SLC5A1: variants seen among roughly 807,000 people sequenced by gnomAD.
SLC5A1 encodes the protein sodium/glucose cotransporter 1.
A neutral mutation model predicts 73.5 loss-of-function variants in SLC5A1; 42 were observed. The ratio of observed to expected loss-of-function variants is 0.57; its 90% confidence interval spans 0.45 to 0.74. The LOEUF (loss-of-function observed/expected upper bound fraction) is 0.74, where lower values mean the gene tolerates loss of function less well. SLC5A1 is among the 30% of genes least tolerant of loss of function. The pLI is 0.00. For synonymous variants in SLC5A1, 300 were observed against 317.4 expected, an observed-to-expected ratio of 0.95 and a Z score of 0.58; for missense variants, 634 against 855.4, an observed-to-expected ratio of 0.74 and a Z score of 3.23.
Position 32,084,910 on chromosome 22 carries a change from A to G in SLC5A1, c.896A>G (p.Gln299Arg). Residue 299 changes from glutamine to arginine, a missense_variant, in exon 9 of 15, where the codon CAG (glutamine) becomes CGG (arginine). Around this residue, in one of 3 missense-constraint regions of SLC5A1, gnomAD observed 422 missense variants for 626.1 expected, o/e 0.67. Transcript: ENST00000266088. ...GGCTTTTTCTGGCAGGTCATTGTGC[A>G]GCGCTGCCTCTCAGCCAAGAATATG... The part of the protein sequence containing the change: ...WYWCTDQVIV[Q>R]RCLSAKNMSH... The G allele has an allele frequency of 6.2e-7, 1 of 1,614,192 alleles. No homozygotes were observed. Among genetic ancestry groups the G allele is most frequent in the Non-Finnish European group, 8.5e-7 (1 of 1,180,038 alleles).
chr22:32,106,393 C>T (rs1023586161), intron 14 of SLC5A1, among the ~76,000 whole-genome samples: 3 of 152,166 alleles, frequency 2.0e-5, no homozygotes, highest in Admixed American at 1.3e-4. Flanking sequence ...AATCTTTAGA[C>T]CATTTTTGAT....
intron 11 of SLC5A1, among the ~76,000 whole-genome samples, chr22:32,095,536 G>T (rs2094024865): frequency 6.6e-6 from 1 of 152,164 alleles, no homozygotes; most frequent in South Asian, 2.1e-4. Context: ...GTGTTAGGTG[G>T]ATATATATTT....
At chr22:32,075,244 G>A (rs1229842097) in intron 5 of SLC5A1, among the ~76,000 whole-genome samples, 1 of 151,852 alleles carries the variant, frequency 6.6e-6, no homozygotes, top group Non-Finnish European at 1.5e-5. Context: ...TTTTATGGGA[G>A]AGAAAACTGA....
intron 5 of SLC5A1, among the ~76,000 whole-genome samples, chr22:32,080,060 A>G (rs996937932): frequency 6.6e-6 from 1 of 152,124 alleles, no homozygotes; most frequent in African/African-American, 2.4e-5. Flanking sequence ...TGAGAATTAG[A>G]GAGGGGAAAT....
chr22:32,056,802 C>T (rs2093952590), intron 2 of SLC5A1, among the ~76,000 whole-genome samples: 2 of 152,160 alleles, frequency 1.3e-5, no homozygotes, highest in South Asian at 4.2e-4. Context: ...ACTGCATTTT[C>T]CATTTGGGCT....
intron 2 of SLC5A1, among the ~76,000 whole-genome samples, chr22:32,060,730 TG>T (rs2093961119): frequency 6.6e-6 from 1 of 152,024 alleles, no homozygotes; most frequent in South Asian, 2.1e-4. Flanking sequence ...CCACCATGCT[TG>T]GCTAGTTTTT....
intron 2 of SLC5A1, among the ~76,000 whole-genome samples, chr22:32,064,641 T>TA: frequency 6.6e-6 from 1 of 152,180 alleles, no homozygotes; most frequent in Non-Finnish European, 1.5e-5. Context: ...ATCTAGGAGT[T>TA]ACCTTTGATT....
chr22:32,050,889 T>G (rs1028197602), intron 2 of SLC5A1, among the ~76,000 whole-genome samples: 1 of 152,216 alleles, frequency 6.6e-6, no homozygotes, highest in Admixed American at 6.5e-5. Context: ...AAACTGTACC[T>G]TACGTAACTG....
intron 5 of SLC5A1, among the ~76,000 whole-genome samples, chr22:32,077,204 CTCTTTCCTTCCT>C (rs967241780): frequency 2.4e-4 from 37 of 151,444 alleles, no homozygotes; most frequent in African/African-American, 7.3e-4. Context: ...TCCCCTTTCC[CTCTTTCCTTCCT>C]TCTTTCCTTC....
At chr22:32,109,133 C>T (rs2094051650) in intron 14 of SLC5A1, among the ~76,000 whole-genome samples, 1 of 152,086 alleles carries the variant, frequency 6.6e-6, no homozygotes, top group African/African-American at 2.4e-5. Flanking sequence ...ATGATTACCC[C>T]ACTGCACTCC....
intron 5 of SLC5A1, among the ~76,000 whole-genome samples, chr22:32,077,209 T>C (rs1192069352): frequency 6.6e-6 from 1 of 151,594 alleles, no homozygotes; most frequent in Non-Finnish European, 1.5e-5. Flanking sequence ...TTTCCCTCTT[T>C]CCTTCCTTCT....
chr22:32,072,843 T>C (rs2093984803), intron 5 of SLC5A1, among the ~76,000 whole-genome samples: 1 of 152,252 alleles, frequency 6.6e-6, no homozygotes. Context: ...ATTACCTTCC[T>C]GTCCTGGCCT....
intron 10 of SLC5A1, among the ~76,000 whole-genome samples, chr22:32,086,704 A>T (rs1047148517): frequency 1.3e-5 from 2 of 152,198 alleles, no homozygotes; most frequent in Non-Finnish European, 2.9e-5. Context: ...TCAAAAAATT[A>T]AAAATAGAAC....
At chr22:32,060,192 TA>T (rs1569302362) in intron 2 of SLC5A1, among the ~76,000 whole-genome samples, 5 of 146,974 alleles carry the variant, frequency 3.4e-5, no homozygotes, top group African/African-American at 7.6e-5. Flanking sequence ...CACACATATA[TA>T]TATATATTTT....
At chr22:32,085,093 T>G in intron 9 of SLC5A1, 58 bp downstream of exon 9, 1 of 1,601,648 alleles carries the variant, frequency 6.2e-7, no homozygotes, top group Non-Finnish European at 8.6e-7. Flanking sequence ...CCAAGTCACT[T>G]CTAAAGCTCT....
intron 2 of SLC5A1, among the ~76,000 whole-genome samples, chr22:32,050,982 T>G (rs2093944412): frequency 6.6e-6 from 1 of 152,168 alleles, no homozygotes; most frequent in African/African-American, 2.4e-5. Context: ...TGTGCGGAGA[T>G]GTGATGGTAG....
intron 5 of SLC5A1, among the ~76,000 whole-genome samples, chr22:32,081,662 C>G (rs933292089): frequency 6.6e-6 from 1 of 152,198 alleles, no homozygotes; most frequent in Admixed American, 6.5e-5. Context: ...ATATTAAAGG[C>G]TCAGAAAAGT....
chr22:32,066,979 T>C lies in SLC5A1; in HGVS notation c.252T>C (p.Phe84=), dbSNP rs939099508. 7 of 1,613,602 alleles carry C rather than the reference T, an allele frequency of 4.3e-6. No homozygotes were observed. The African/African-American group carries it at 8.0e-5, about 18-fold the overall frequency. The change falls in exon 3 of 15, where the codon TTT becomes TTC. Residue 84 remains phenylalanine (F), a synonymous_variant. Coordinates refer to ENST00000266088, the MANE Select transcript of SLC5A1 (RefSeq NM_000343.4). The stretch of plus-strand genomic sequence containing the variant: ...CTAGTAACATTGGAAGTGGCCACTT[T>C]GTGGGGCTGGCCGGGACTGGGGCAG... ...LFASNIGSGH[F]VGLAGTGAAS...
Position 32,083,304 on chromosome 22 carries a change from A to G in SLC5A1, c.664+150A>G, listed in dbSNP as rs527588146. 275 of 659,654 alleles carry G rather than the reference A, an allele frequency of 4.2e-4. 2 individuals carry two copies. The highest frequency in any genetic ancestry group is 3.5e-3 in the South Asian group (192 of 54,604). 40.9% of individuals were successfully genotyped at this position (659,654 alleles called of 1,614,324 possible). On this transcript the variant is annotated intron_variant, in intron 7 of 14. Transcript: ENST00000266088. The stretch of plus-strand genomic sequence containing the variant: ...CTTCCAAACGGAGGGTCCAGCCCAG[A>G]TGGGCTGTCATTGTGGGTATGCAGG...
Sources: allele counts gnomAD v4.1 joint callset (sites outside exome capture counted in the v4.1 genomes callset), GRCh38; gene constraint gnomAD v4.1.1; regional missense constraint gnomAD v4.1.1; transcripts MANE v1.5; gene names NCBI Gene and HGNC (gene_info 2026-07-23, HGNC 2026-07-21).